Variants in OTUD7A observed in about 807,000 individuals in gnomAD.
OTUD7A encodes the protein OTU domain-containing protein 7A.
A neutral mutation model predicts 65.7 loss-of-function variants in OTUD7A; 12 were observed. The ratio of observed to expected loss-of-function variants is 0.18; its 90% confidence interval spans 0.12 to 0.30. The LOEUF is 0.30. Among genes scored for constraint, OTUD7A ranks in the 10% least tolerant of loss-of-function variants. The pLI is 1.00. For synonymous variants in OTUD7A, 641 were observed against 586.3 expected, an observed-to-expected ratio of 1.09 and a Z score of -1.35; for missense variants, 1,148 against 1,304.8, an observed-to-expected ratio of 0.88 and a Z score of 1.85.
At chr15:31,774,487 T>C (rs1269248914) in intron 1 of OTUD7A, among the ~76,000 whole-genome samples, 1 of 152,248 alleles carries the variant, frequency 6.6e-6, no homozygotes, top group African/African-American at 2.4e-5. Context: ...AGTGAATGAC[T>C]ATCTGCCTGC....
chr15:31,771,714 G>A (rs921106079), intron 1 of OTUD7A, among the ~76,000 whole-genome samples: 2 of 152,082 alleles, frequency 1.3e-5, no homozygotes, highest in African/African-American at 4.8e-5. Context: ...GCATCACAAT[G>A]TTTGAAGTCT....
intron 3 of OTUD7A, among the ~76,000 whole-genome samples, chr15:31,618,144 T>C (rs1463787542): frequency 6.6e-6 from 1 of 152,246 alleles, no homozygotes; most frequent in Non-Finnish European, 1.5e-5. Flanking sequence ...TTCCATGGTG[T>C]ATATGTGCCA....
At chr15:31,647,532 C>A (rs1168701538) in intron 3 of OTUD7A, among the ~76,000 whole-genome samples, 1 of 152,198 alleles carries the variant, frequency 6.6e-6, no homozygotes, top group Non-Finnish European at 1.5e-5. Flanking sequence ...TTCTCACTTC[C>A]TCAAATCTTT....
chr15:31,775,487 T>C (rs938743377), intron 1 of OTUD7A, among the ~76,000 whole-genome samples: 7 of 152,224 alleles, frequency 4.6e-5, no homozygotes, highest in Admixed American at 1.3e-4. Context: ...AGACCTGGCT[T>C]GCTGGGCAGG....
At chr15:31,671,775 C>G (rs1892489658) in intron 1 of OTUD7A, among the ~76,000 whole-genome samples, 1 of 151,884 alleles carries the variant, frequency 6.6e-6, no homozygotes, top group South Asian at 2.1e-4. Context: ...TTTTTTCTAA[C>G]TTTTACTTTA....
intron 1 of OTUD7A, among the ~76,000 whole-genome samples, chr15:31,722,372 T>C (rs1340930131): frequency 1.3e-5 from 2 of 152,230 alleles, no homozygotes; most frequent in Non-Finnish European, 2.9e-5. Flanking sequence ...CAAGGCTTCT[T>C]GGTAGATATT....
intron 1 of OTUD7A, among the ~76,000 whole-genome samples, chr15:31,791,739 C>A (rs1032738659): frequency 6.6e-6 from 1 of 152,104 alleles, no homozygotes; most frequent in African/African-American, 2.4e-5. Context: ...TGGCCCCCTC[C>A]CTCCTTCTGA....
chr15:31,623,314 C>G (rs1169587593), intron 3 of OTUD7A, among the ~76,000 whole-genome samples: 2 of 152,228 alleles, frequency 1.3e-5, no homozygotes, highest in African/African-American at 4.8e-5. Context: ...ACATTTAAGT[C>G]TGCAGAGGTT....
chr15:31,842,248 G>C (rs1404771838), intron 1 of OTUD7A, among the ~76,000 whole-genome samples: 1 of 152,264 alleles, frequency 6.6e-6, no homozygotes, highest in Non-Finnish European at 1.5e-5. Context: ...GGCTCCTGCA[G>C]TGTGGGTGTG....
chr15:31,623,149 C>T (rs543588065), intron 3 of OTUD7A, among the ~76,000 whole-genome samples: 6 of 152,240 alleles, frequency 3.9e-5, no homozygotes, highest in Non-Finnish European at 8.8e-5. Context: ...GGGTACCCAG[C>T]CGTGTGAGGT....
intron 3 of OTUD7A, among the ~76,000 whole-genome samples, chr15:31,597,982 TTTCC>T (rs1889957111): frequency 6.6e-6 from 1 of 152,102 alleles, no homozygotes; most frequent in African/African-American, 2.4e-5. Context: ...GAGCAGCGTG[TTTCC>T]AGTCCCCTGT....
In OTUD7A at chr15:31,753,722, T is replaced by TATATATATATATATATA. The variant is rs1894725660; in HGVS notation, c.-99-96662_-99-96646dup. Reference sequence around the variant, plus strand: ...ATATATTATATATATATATATATATTATATATATATATATATATCTCACAG... The same window carrying TATATATATATATATATA: ...ATATATTATATATATATATATATATTATATATATATATATATAATATATATATATATATATCTCACAG... On this transcript the variant is annotated intron_variant, in intron 1 of 12. Transcript: ENST00000307050. Among the ~76,000 whole-genome samples the TATATATATATATATATA allele has an allele frequency of 3.7e-4, 18 of 49,124 alleles. No homozygotes were observed. In the South Asian group the frequency reaches 5.8e-3, roughly 16 times the overall value. 32.2% of individuals were successfully genotyped at this position (49,124 alleles called of 152,430 possible).
At chr15:31,798,774 C>T (rs1228787328) in intron 1 of OTUD7A, among the ~76,000 whole-genome samples, 2 of 152,204 alleles carry the variant, frequency 1.3e-5, no homozygotes, top group African/African-American at 4.8e-5. Flanking sequence ...CCCCCACGGC[C>T]CCAGAGGCCA....
At chr15:31,520,825 A>G (rs2041926889) in intron 8 of OTUD7A, among the ~76,000 whole-genome samples, 1 of 152,206 alleles carries the variant, frequency 6.6e-6, no homozygotes, top group Non-Finnish European at 1.5e-5. Context: ...TATCAAAAAG[A>G]TACCTGCATG....
intron 1 of OTUD7A, among the ~76,000 whole-genome samples, chr15:31,850,225 C>T (rs1897387045): frequency 6.6e-6 from 1 of 152,156 alleles, no homozygotes; most frequent in Non-Finnish European, 1.5e-5. Flanking sequence ...GAATACTATG[C>T]AGCCATAAAA....
At chr15:31,712,876 C>T (rs529193938) in intron 1 of OTUD7A, among the ~76,000 whole-genome samples, 61 of 150,036 alleles carry the variant, frequency 4.1e-4, no homozygotes, top group South Asian at 1.3e-3. Context: ...CTCCTCCCTA[C>T]ATCTGATTCC....
intron 3 of OTUD7A, among the ~76,000 whole-genome samples, chr15:31,602,727 CCTT>C (rs750181205): frequency 1.3e-5 from 2 of 152,182 alleles, no homozygotes; most frequent in Non-Finnish European, 2.9e-5. Context: ...CCCTAAATCT[CCTT>C]AAGCTGATAA....
Position 31,495,010 on chromosome 15 carries a change from C to T in OTUD7A, c.1171+6680G>A, listed in dbSNP as rs560764894. On this transcript the variant is annotated intron_variant, in intron 10 of 12. Transcript: ENST00000307050. The stretch of plus-strand genomic sequence containing the variant: ...ATCAGGGGCGATGGTGGCTGGTATG[C>T]GCTTCCTGTGGGCATGGACGTCTTG... 2.6e-5 allele frequency among the ~76,000 whole-genome samples: 4 copies of T among 152,272 alleles called. No homozygotes were observed. The East Asian group carries it at 7.7e-4, about 29-fold the overall frequency.
chr15:31,855,813 A>T (rs1303091485), intron 1 of OTUD7A, among the ~76,000 whole-genome samples: 4 of 152,254 alleles, frequency 2.6e-5, no homozygotes, highest in Non-Finnish European at 5.9e-5. Context: ...ATGCAACATT[A>T]ATAAACAGCA....
Sources: allele counts gnomAD v4.1 joint callset (sites outside exome capture counted in the v4.1 genomes callset), GRCh38; gene constraint gnomAD v4.1.1; transcripts MANE v1.5; gene names NCBI Gene and HGNC (gene_info 2026-07-23, HGNC 2026-07-21).